Variants in TRRAP observed in about 807,000 individuals in gnomAD.
The protein encoded by TRRAP is transformation/transcription domain-associated protein.
A neutral mutation model predicts 438.8 loss-of-function variants in TRRAP; 41 were observed. That is an observed-to-expected ratio of 0.09 (90% CI 0.07 to 0.12). TRRAP has a LOEUF of 0.12. Ranked by LOEUF, TRRAP falls within the 10% of genes least tolerant of loss-of-function variation. The pLI, the probability that TRRAP is intolerant of heterozygous loss-of-function variation, is 1.00. For missense variants in TRRAP, 3,122 were observed against 5,055.1 expected, an observed-to-expected ratio of 0.62 and a Z score of 11.60; for synonymous variants, 1,994 against 1,962.9, an observed-to-expected ratio of 1.02 and a Z score of -0.42.
intron 5 of TRRAP, among the ~76,000 whole-genome samples, chr7:98,893,445 C>T (rs1308233498): frequency 2.6e-5 from 4 of 152,230 alleles, no homozygotes; most frequent in Non-Finnish European, 5.9e-5. Flanking sequence ...AGGTGCTTAG[C>T]ACAGGGTCCA....
At chr7:98,953,541 A>G (rs781910800) in intron 40 of TRRAP, 108 bp downstream of exon 40, 19 of 1,459,906 alleles carry the variant, frequency 1.3e-5, no homozygotes, top group African/African-American at 2.8e-5. Flanking sequence ...CCCAAAACCA[A>G]TAAAAACCAT....
At chr7:98,972,482 A>G (rs1343452308) in intron 53 of TRRAP, among the ~76,000 whole-genome samples, 7 of 152,260 alleles carry the variant, frequency 4.6e-5, no homozygotes, top group South Asian at 4.1e-4. Context: ...GCACTAAAAG[A>G]GGAGAAAATG....
intron 3 of TRRAP, among the ~76,000 whole-genome samples, chr7:98,888,058 G>A (rs1158719448): frequency 8.6e-5 from 13 of 151,880 alleles, no homozygotes; most frequent in African/African-American, 2.9e-4. Flanking sequence ...GTGAAACCCC[G>A]TCTCTACCAA....
At chr7:98,915,700 T>C in intron 18 of TRRAP, 23 bp from the exon 19 acceptor site, 2 of 1,610,408 alleles carry the variant, frequency 1.2e-6, no homozygotes, top group South Asian at 2.2e-5. Flanking sequence ...ATGCCACTAA[T>C]CTGCGTCTTC....
At chr7:99,007,929 G>T (rs1025238159) in intron 69 of TRRAP, among the ~76,000 whole-genome samples, 2 of 150,840 alleles carry the variant, frequency 1.3e-5, no homozygotes, top group Admixed American at 6.6e-5. Context: ...TGGTTCAGGT[G>T]ATTCTCCTGC....
chr7:98,950,820 A>G (rs1791299217), intron 38 of TRRAP, 56 bp from the exon 39 acceptor site: 1 of 1,465,162 alleles, frequency 6.8e-7, no homozygotes, highest in Non-Finnish European at 9.0e-7. Context: ...TCCCGTCTTA[A>G]GAAACAAACA....
rs79761995 is a variant in TRRAP, at chr7:98,880,794, A to G, written c.-61-296A>G. ...AGTTGTGACAGACTGCGTGGCCACA[A>G]AGATTAAAATATCTACTATGTGGCT... is the stretch of plus-strand genomic sequence containing the variant. On this transcript the variant is annotated intron_variant, in intron 1 of 72. Transcript: ENST00000456197. Among the ~76,000 whole-genome samples the G allele has an allele frequency of 0.011, 1,612 of 152,284 alleles. 62 individuals are homozygous for G. In the East Asian group the frequency reaches 0.12, roughly 12 times the overall value.
At position 98,948,087 on chromosome 7, in the gene TRRAP, T is replaced by C; in HGVS notation, c.4549-134T>C. The C allele has an allele frequency of 7.6e-7, 1 of 1,314,682 alleles. No homozygotes were observed. The highest frequency in any genetic ancestry group is 1.1e-6 in the Non-Finnish European group (1 of 950,136). The allele number at this position is 1,314,682 out of a possible 1,614,324, so 81.4% of individuals were successfully genotyped here. Reference sequence around the variant, plus strand: ...ACCTAAGGCTAGTAAGTTGTGGCTTTTACATGTGAACCCTTCGCTTCACTG... The same window carrying C: ...ACCTAAGGCTAGTAAGTTGTGGCTTCTACATGTGAACCCTTCGCTTCACTG... On this transcript the variant is annotated intron_variant, in intron 33 of 72. Transcript: ENST00000456197. The surrounding 1 kb of genome is among the most constrained non-coding windows in gnomAD (Gnocchi z 4.9).
rs1791186185 is a variant in TRRAP, at chr7:98,948,471, C to A, written c.4669-95C>A. On this transcript the variant is annotated intron_variant, in intron 34 of 72. Transcript: ENST00000456197. The surrounding 1 kb of genome is among the most constrained non-coding windows in gnomAD (Gnocchi z 4.9). ...ATGTCAACATTTGCTTGTGGGTGTTCATGCACTCCAGTAACAAGGGACCTT... is the reference window on the plus strand; with the variant it reads ...ATGTCAACATTTGCTTGTGGGTGTTAATGCACTCCAGTAACAAGGGACCTT... 8.7e-6 allele frequency: 14 copies of A among 1,610,850 alleles called. No individual in the cohort carries two copies. In the South Asian group the frequency reaches 1.5e-4, roughly 18 times the overall value.
At chr7:98,878,990 C>T (rs1554402581) in intron 1 of TRRAP, among the ~76,000 whole-genome samples, 2 of 151,952 alleles carry the variant, frequency 1.3e-5, no homozygotes, top group African/African-American at 4.8e-5. Context: ...CGTTGGGGGC[C>T]TGTCCCTCCG....
At chr7:98,881,273 TAAG>T (rs1795414101) in intron 2 of TRRAP, 23 bp downstream of exon 2, 1 of 1,576,478 alleles carries the variant, frequency 6.3e-7, no homozygotes, top group Admixed American at 1.8e-5. Flanking sequence ...TTTTTATCAT[TAAG>T]AAATGCATAA....
chr7:98,930,756 C>A lies in TRRAP; in HGVS notation c.3517C>A (p.Leu1173Ile). The change falls in exon 25 of 73, where the codon CTC becomes ATC. Residue 1173 changes from leucine (L) to isoleucine (I), a missense_variant. Physicochemically the swap from Leu to Ile is conservative, Grantham distance 5. Around this residue, in one of 24 missense-constraint regions of TRRAP, gnomAD observed 153 missense variants for 223.0 expected, o/e 0.69. Coordinates refer to ENST00000456197, the MANE Select transcript of TRRAP (RefSeq NM_001375524.1). ...TAAGTTTCTCATGGAGCGGCTGCCT[C>A]TCACTTGGGTTCTCCAGAACCAGCA... ...SIKFLMERLP[L>I]TWVLQNQQTF... 6.2e-7 allele frequency: 1 copy of A among 1,614,196 alleles called. No homozygotes were observed. Among genetic ancestry groups the A allele is most frequent in the South Asian group, 1.1e-5 (1 of 91,082 alleles).
intron 31 of TRRAP, among the ~76,000 whole-genome samples, chr7:98,944,167 CTG>C (rs1274978166): frequency 2.0e-5 from 3 of 152,126 alleles, no homozygotes; most frequent in African/African-American, 7.2e-5. Flanking sequence ...GTGCAGGTGT[CTG>C]TGTGCTGCTC....
At position 98,925,114 on chromosome 7, in the gene TRRAP, C is replaced by A; in HGVS notation, c.2826C>A (p.Ala942=). ...KASLQLPMEK[A]IETALDCLKS... ...GTTTCTTTGTGTCTTGGTTGTAGGC[C>A]ATTGAAACTGCTCTGGACTGCCTGA... is the stretch of plus-strand genomic sequence containing the variant. The change falls in exon 22 of 73, where the codon GCC becomes GCA. Residue 942 remains alanine, a splice_region_variant and synonymous_variant. Coordinates refer to ENST00000456197, the MANE Select transcript of TRRAP (RefSeq NM_001375524.1). 6.2e-7 allele frequency: 1 copy of A among 1,609,134 alleles called. No homozygotes were observed. The highest frequency in any genetic ancestry group is 8.5e-7 in the Non-Finnish European group (1 of 1,178,492).
At chr7:99,002,075 G>A (rs921994349) in intron 67 of TRRAP, among the ~76,000 whole-genome samples, 6 of 148,054 alleles carry the variant, frequency 4.1e-5, no homozygotes, top group African/African-American at 9.9e-5. Context: ...CAGTGGAGAC[G>A]GAGAAGGGAT....
chr7:98,890,289 A>G (rs1260017005), intron 3 of TRRAP, 46 bp from the exon 4 acceptor site: 11 of 1,259,646 alleles, frequency 8.7e-6, no homozygotes, highest in African/African-American at 1.6e-5. Flanking sequence ...TGAAATGAAA[A>G]TACATACACA....
In TRRAP at chr7:98,897,787, C is replaced by G; in HGVS notation, c.554C>G (p.Pro185Arg). 1 of 1,613,930 alleles carries G rather than the reference C, an allele frequency of 6.2e-7. No individual in the cohort carries two copies. Among genetic ancestry groups the G allele is most frequent in the Non-Finnish European group, 8.5e-7 (1 of 1,179,990 alleles). ...CAAGTGATCCCCGAGAACACAGTGC[C>G]TCCCCCAGAAATGGTTGGTATGATA... ...NPQVIPENTV[P>R]PPEMVGMITT... is the part of the protein sequence containing the mutation. Residue 185 changes from proline to arginine, a missense_variant, in exon 8 of 73, where the codon CCT (proline) becomes CGT (arginine). Pro to Arg is a moderately radical substitution (Grantham distance 103). Transcript: ENST00000456197.
At chr7:98,949,005 G>C (rs1791207394) in intron 35 of TRRAP, among the ~76,000 whole-genome samples, 1 of 152,194 alleles carries the variant, frequency 6.6e-6, no homozygotes, top group Non-Finnish European at 1.5e-5. Flanking sequence ...AACTGAGGCA[G>C]GTGGTTTACT....
intron 6 of TRRAP, among the ~76,000 whole-genome samples, chr7:98,894,567 A>G (rs141654151): frequency 1.3e-5 from 2 of 151,864 alleles, no homozygotes; most frequent in Admixed American, 1.3e-4. Context: ...CCATCTCAAA[A>G]ACAGGATTTT....
Sources: gnomAD v4.1 joint callset for allele counts (sites outside exome capture counted in the v4.1 genomes callset) on GRCh38, gnomAD v4.1.1 for gene constraint, gnomAD v4.1.1 regional missense constraint, Gnocchi (gnomAD v3.1) non-coding constraint, MANE v1.5 for transcripts, NCBI Gene and HGNC (gene_info 2026-07-23, HGNC 2026-07-21) for gene names.